The following ZC3H11A variants were observed in gnomAD, a reference collection of about 807,000 sequenced individuals.
The protein encoded by ZC3H11A is zinc finger CCCH-type containing 11A.
Under a neutral mutation model 90.8 loss-of-function variants are expected in ZC3H11A, and 22 were observed. The ratio of observed to expected loss-of-function variants is 0.24; its 90% CI spans 0.17 to 0.35. The LOEUF is 0.35. ZC3H11A is among the 10% of genes least tolerant of loss of function. ZC3H11A has a pLI of 1.00. For missense variants in ZC3H11A, 701 were observed against 964.9 expected (o/e 0.73, Z 3.62); for synonymous variants, 294 against 339.8 (o/e 0.87, Z 1.48).
At chr1:203,816,320 A>AT (rs1436510340) in intron 2 of ZC3H11A, among the ~76,000 whole-genome samples, 3 of 152,174 alleles carry the variant, frequency 2.0e-5, no homozygotes, top group Non-Finnish European at 4.4e-5. Flanking sequence ...ATACATATAT[A>AT]CATATATGTA....
intron 2 of ZC3H11A, among the ~76,000 whole-genome samples, chr1:203,804,150 G>GTT (rs1209891980): frequency 1.5e-5 from 2 of 131,016 alleles, no homozygotes; most frequent in African/African-American, 2.8e-5. Context: ...TCCTGTATAT[G>GTT]TGTTTTTTTT....
intron 2 of ZC3H11A, among the ~76,000 whole-genome samples, chr1:203,812,780 C>A (rs1363954019): frequency 6.6e-6 from 1 of 151,932 alleles, no homozygotes; most frequent in Non-Finnish European, 1.5e-5. Context: ...TGGGGTCTCA[C>A]CATGTTTGCC....
At chr1:203,828,696 T>C (rs1681334539) in intron 5 of ZC3H11A, among the ~76,000 whole-genome samples, 1 of 152,196 alleles carries the variant, frequency 6.6e-6, no homozygotes, top group African/African-American at 2.4e-5. Flanking sequence ...ATAAATTTGA[T>C]TTTCTAGGTC....
At chr1:203,813,342 G>A (rs557996534) in intron 2 of ZC3H11A, among the ~76,000 whole-genome samples, 4 of 152,122 alleles carry the variant, frequency 2.6e-5, no homozygotes, top group African/African-American at 9.6e-5. Context: ...CAGTAGCTGG[G>A]ATCACAGGCA....
intron 4 of ZC3H11A, among the ~76,000 whole-genome samples, chr1:203,819,085 T>G (rs1376494383): frequency 1.5e-5 from 1 of 65,972 alleles, no homozygotes. Flanking sequence ...AAAATATATA[T>G]ATATACACAC....
At chr1:203,837,394 C>A (rs529062219) in intron 10 of ZC3H11A, among the ~76,000 whole-genome samples, 1 of 150,218 alleles carries the variant, frequency 6.7e-6, no homozygotes, top group Non-Finnish European at 1.5e-5. Context: ...GTAGGTTTGT[C>A]AGTTAATTTA....
chr1:203,832,922 C>G (rs923194736), intron 9 of ZC3H11A, among the ~76,000 whole-genome samples: 3 of 152,128 alleles, frequency 2.0e-5, no homozygotes, highest in Non-Finnish European at 4.4e-5. Flanking sequence ...GTCTTATACT[C>G]GACTGCTATT....
rs534745068 is a variant in ZC3H11A, at chr1:203,799,045, C to T, written c.-1587-2530C>T. 3.5e-4 allele frequency: 545 copies of T among 1,536,080 alleles called. 2 individuals are homozygous for T. The African/African-American group carries it at 6.3e-3, about 18-fold the overall frequency. ...GTACACTGGGTTTCTTTGGAAACTG[C>T]GTCTTTTCTCAATAATGGCAGGATC... On this transcript the variant is annotated intron_variant, in intron 1 of 17. Transcript: ENST00000367210.
chr1:203,851,063 G>A lies in ZC3H11A; in HGVS notation c.2113G>A (p.Val705Ile), dbSNP rs777901140. 6.2e-7 allele frequency: 1 copy of A among 1,614,134 alleles called. No homozygotes were observed. The highest frequency in any genetic ancestry group is 8.5e-7 in the Non-Finnish European group (1 of 1,180,018). Residue 705 changes from valine to isoleucine, a missense_variant, in exon 17 of 18, where the codon GTC (valine) becomes ATC (isoleucine). By Grantham distance (29) the Val-to-Ile change is conservative. This residue lies in a region of ZC3H11A where 91 missense variants were observed against 86.8 expected (regional missense o/e 1.05). Transcript: ENST00000367210. ...CTGACTCTTCCTTTTGTAGGCTGTT[G>A]TCCCGCTTGTCTCTGAGGACAAATC... ...PPAKKAAVAV[V>I]PLVSEDKSVT...
intron 4 of ZC3H11A, among the ~76,000 whole-genome samples, chr1:203,824,724 A>G (rs1041892521): frequency 4.6e-5 from 7 of 152,124 alleles, no homozygotes; most frequent in African/African-American, 1.4e-4. Flanking sequence ...TCCTAGGCCT[A>G]TTGCTCAAGT....
At chr1:203,805,449 A>G (rs544464416) in intron 2 of ZC3H11A, among the ~76,000 whole-genome samples, 2 of 152,248 alleles carry the variant, frequency 1.3e-5, no homozygotes, top group African/African-American at 2.4e-5. Context: ...GTTTTAGTAC[A>G]AAGAAAGCAT....
At position 203,849,901 on chromosome 1, in the gene ZC3H11A, C is replaced by T; in HGVS notation, c.1814C>T (p.Thr605Ile). The change falls in exon 15 of 18, where the codon ACA (threonine) becomes ATA (isoleucine). Residue 605 changes from threonine (T) to isoleucine (I), a missense_variant. Physicochemically the swap from Thr to Ile is moderately conservative, Grantham distance 89. This residue lies in a region of ZC3H11A where 530 missense variants were observed against 696.2 expected (regional missense o/e 0.76). Coordinates refer to ENST00000367210, the MANE Select transcript of ZC3H11A (RefSeq NM_001376342.1). ...KPVLTAVPGITRHLTKRLPTK... is the reference protein window; with the variant it reads ...KPVLTAVPGIIRHLTKRLPTK... ...GTGCTCACTGCTGTGCCAGGAATCA[C>T]ACGGCACCTGACCAAGCGGCTTCCC... The T allele has an allele frequency of 6.2e-7, 1 of 1,614,130 alleles. No individual in the cohort carries two copies. The highest frequency in any genetic ancestry group is 8.5e-7 in the Non-Finnish European group (1 of 1,180,028).
Position 203,849,925 on chromosome 1 carries a change from C to A in ZC3H11A, c.1838C>A (p.Pro613His). The A allele has an allele frequency of 6.2e-7, 1 of 1,614,070 alleles. No individual in the cohort carries two copies. Among genetic ancestry groups the A allele is most frequent in the Non-Finnish European group, 8.5e-7 (1 of 1,180,014 alleles). ...ACACGGCACCTGACCAAGCGGCTTC[C>A]CACAAAGTCATCCCAGAAGGTGGAG... ...GITRHLTKRL[P>H]TKSSQKVEVE... Residue 613 changes from proline (P) to histidine (H), a missense_variant, in exon 15 of 18, where the codon CCC becomes CAC. Pro to His is a moderately conservative substitution (Grantham distance 77). Around this residue, in one of 4 missense-constraint regions of ZC3H11A, gnomAD observed 530 missense variants for 696.2 expected, o/e 0.76. Transcript: ENST00000367210.
intron 2 of ZC3H11A, among the ~76,000 whole-genome samples, chr1:203,815,344 T>TAGCTGG (rs1401491015): frequency 6.8e-6 from 1 of 147,194 alleles, no homozygotes; most frequent in East Asian, 2.0e-4. Flanking sequence ...CTCCCCCGTG[T>TAGCTGG]AGCTGGGATC....
intron 10 of ZC3H11A, 113 bp from the exon 11 acceptor site, chr1:203,837,853 T>G (rs952212985): frequency 2.1e-6 from 2 of 939,280 alleles, no homozygotes; most frequent in African/African-American, 3.3e-5. Flanking sequence ...AAACACGCCA[T>G]ATGTATGCAG....
At chr1:203,835,443 G>A (rs963308252) in intron 10 of ZC3H11A, 1 of 154,104 alleles carries the variant, frequency 6.5e-6, no homozygotes, top group Non-Finnish European at 1.4e-5. Context: ...AGACAGAAAT[G>A]AGGCAGTCTT....
At chr1:203,803,118 C>G (rs747289528) in intron 2 of ZC3H11A, 102 bp downstream of exon 2, 2 of 152,292 alleles carry the variant, frequency 1.3e-5, no homozygotes, top group African/African-American at 2.4e-5. Flanking sequence ...GGCCATTGTT[C>G]AGACATTTTT....
rs1682066696 is a variant in ZC3H11A, at chr1:203,830,925, A to ATTTTATTTTT, written c.700+726_700+727insATTTTTTTTT. On this transcript the variant is annotated intron_variant, in intron 8 of 17. Transcript: ENST00000367210. The stretch of plus-strand genomic sequence containing the variant: ...GATTGCTCTGTATTTCCAACCCCCA[A>ATTTTATTTTT]TTTTTTTTTTTTTTTTTTTTTTTTT... Among the ~76,000 whole-genome samples the ATTTTATTTTT allele has an allele frequency of 5.8e-5, 3 of 51,384 alleles. 1 individual carries two copies. The highest frequency in any genetic ancestry group is 2.1e-4 in the African/African-American group (3 of 14,090). 33.7% of individuals were successfully genotyped at this position (51,384 alleles called of 152,430 possible).
intron 1 of ZC3H11A, chr1:203,798,920 A>G (rs1024519062): frequency 5.8e-5 from 89 of 1,536,024 alleles, no homozygotes; most frequent in Non-Finnish European, 7.1e-5. Context: ...GTGTCAGAGA[A>G]AAAATTTTCT....
Sources: gnomAD v4.1 joint callset for allele counts (sites outside exome capture counted in the v4.1 genomes callset) on GRCh38, gnomAD v4.1.1 for gene constraint, gnomAD v4.1.1 regional missense constraint, MANE v1.5 for transcripts, NCBI Gene and HGNC (gene_info 2026-07-23, HGNC 2026-07-21) for gene names.